STAG1: variants seen among roughly 807,000 people sequenced by gnomAD.
The protein encoded by STAG1 is cohesin subunit SA-1.
A neutral mutation model predicts 170.9 loss-of-function variants in STAG1; 26 were observed. That is an observed-to-expected ratio of 0.15 (90% CI 0.11 to 0.21). The LOEUF is 0.21. STAG1 is among the 10% of genes least tolerant of loss of function. The pLI, the probability that STAG1 is intolerant of heterozygous loss-of-function variation, is 1.00. For missense variants in STAG1, 964 were observed against 1,509.5 expected, an observed-to-expected ratio of 0.64 and a Z score of 5.99; for synonymous variants, 514 against 497.7, an observed-to-expected ratio of 1.03 and a Z score of -0.44.
intron 1 of STAG1, among the ~76,000 whole-genome samples, chr3:136,691,820 T>C (rs1470535397): frequency 1.3e-5 from 2 of 152,168 alleles, no homozygotes; most frequent in Admixed American, 1.3e-4. Context: ...AGGAACTAAG[T>C]AGATCATCTA....
intron 4 of STAG1, among the ~76,000 whole-genome samples, chr3:136,576,851 C>T (rs1937480558): frequency 6.6e-6 from 1 of 152,152 alleles, no homozygotes; most frequent in Non-Finnish European, 1.5e-5. Context: ...CAGACAAGGG[C>T]ACAGAGAATT....
chr3:136,477,157 T>C, intron 10 of STAG1, 132 bp downstream of exon 10: 3 of 943,510 alleles, frequency 3.2e-6, no homozygotes, highest in Admixed American at 3.1e-5. Flanking sequence ...TAAATAGTTA[T>C]TCAGCTGCAT....
intron 24 of STAG1, among the ~76,000 whole-genome samples, chr3:136,368,460 A>G (rs933272685): frequency 3.3e-5 from 5 of 152,204 alleles, no homozygotes; most frequent in Non-Finnish European, 5.9e-5. Context: ...GTAATACATA[A>G]TGACCACTTA....
intron 1 of STAG1, among the ~76,000 whole-genome samples, chr3:136,646,820 C>T (rs779304570): frequency 1.8e-4 from 28 of 151,954 alleles, no homozygotes; most frequent in Non-Finnish European, 3.8e-4. Flanking sequence ...TCAGGAGAAT[C>T]GCTTGAACTG....
At chr3:136,361,615 A>T (rs1351649464) in intron 26 of STAG1, among the ~76,000 whole-genome samples, 4 of 152,132 alleles carry the variant, frequency 2.6e-5, no homozygotes, top group East Asian at 1.9e-4. Context: ...CATTAATAAT[A>T]ATTATTATTA....
chr3:136,606,978 C>T (rs1938981431), intron 3 of STAG1, among the ~76,000 whole-genome samples: 1 of 151,990 alleles, frequency 6.6e-6, no homozygotes, highest in African/African-American at 2.4e-5. Flanking sequence ...TCTTGATCTC[C>T]TGACCTCGTG....
intron 9 of STAG1, among the ~76,000 whole-genome samples, chr3:136,492,606 G>C (rs536968758): frequency 6.6e-6 from 1 of 152,192 alleles, no homozygotes; most frequent in African/African-American, 2.4e-5. Context: ...ATCTCTGAGA[G>C]GGGATAACAC....
chr3:136,578,832 A>G (rs1429246390), intron 4 of STAG1, among the ~76,000 whole-genome samples: 5 of 152,162 alleles, frequency 3.3e-5, no homozygotes, highest in African/African-American at 1.2e-4. Context: ...CCACTTCCAG[A>G]ATGTGTAATT....
chr3:136,734,744 A>G (rs1470942065), intron 1 of STAG1, among the ~76,000 whole-genome samples: 1 of 152,218 alleles, frequency 6.6e-6, no homozygotes, highest in African/African-American at 2.4e-5. Context: ...TCAACAGAAT[A>G]GAAGCTTTTT....
At chr3:136,485,730 T>C (rs2089996557) in intron 9 of STAG1, among the ~76,000 whole-genome samples, 6 of 152,174 alleles carry the variant, frequency 3.9e-5, no homozygotes, top group Admixed American at 3.9e-4. Context: ...TCCATCTCTG[T>C]TTAACGTCAT....
At chr3:136,488,996 G>T (rs2090071203) in intron 9 of STAG1, among the ~76,000 whole-genome samples, 1 of 152,166 alleles carries the variant, frequency 6.6e-6, no homozygotes, top group Non-Finnish European at 1.5e-5. Flanking sequence ...GCAAAAAATA[G>T]TAAGACAAGA....
At chr3:136,747,446 T>C (rs988140299) in intron 1 of STAG1, among the ~76,000 whole-genome samples, 1 of 152,144 alleles carries the variant, frequency 6.6e-6, no homozygotes. Flanking sequence ...CCCAGCACCT[T>C]GGGAGGCCAA....
chr3:136,659,772 CT>C (rs1941514795), intron 1 of STAG1, among the ~76,000 whole-genome samples: 1 of 152,114 alleles, frequency 6.6e-6, no homozygotes, highest in Admixed American at 6.5e-5. Context: ...ATAATCAGGA[CT>C]AAAATTTAGC....
At chr3:136,488,191 C>T (rs1003173699) in intron 9 of STAG1, among the ~76,000 whole-genome samples, 1 of 152,220 alleles carries the variant, frequency 6.6e-6, no homozygotes, top group African/African-American at 2.4e-5. Flanking sequence ...GGCATGATCT[C>T]GGCTCACTGC....
intron 25 of STAG1, among the ~76,000 whole-genome samples, chr3:136,366,146 A>T (rs956152128): frequency 5.9e-5 from 9 of 152,070 alleles, no homozygotes; most frequent in African/African-American, 2.2e-4. Flanking sequence ...AGCCTAAAAT[A>T]AAATCCCAGT....
chr3:136,363,432 T>C lies in STAG1; in HGVS notation c.2721A>G (p.Thr907=). ...TATCAATCTGCCTGGTTTTACTCAG[T>C]GTTTCCTTAATAATATCACCATAGT... ...YNDYGDIIKE[T]LSKTRQIDKI... Residue 907 remains threonine, a synonymous_variant, in exon 26 of 34, where the codon ACA becomes ACG. Transcript: ENST00000383202. The C allele has an allele frequency of 6.2e-7, 1 of 1,600,452 alleles. No homozygotes were observed. Among genetic ancestry groups the C allele is most frequent in the Admixed American group, 1.7e-5 (1 of 59,262 alleles).
chr3:136,662,271 G>A (rs1029792076), intron 1 of STAG1, among the ~76,000 whole-genome samples: 1 of 151,314 alleles, frequency 6.6e-6, no homozygotes, highest in African/African-American at 2.4e-5. Context: ...CCTGCCTCAG[G>A]CTCCCAAGTA....
intron 6 of STAG1, among the ~76,000 whole-genome samples, chr3:136,525,386 G>T (rs1381972689): frequency 6.6e-6 from 1 of 152,150 alleles, no homozygotes; most frequent in African/African-American, 2.4e-5. Flanking sequence ...TTTGCGTAGA[G>T]GTGTTTATAG....
At position 136,356,924 on chromosome 3, in the gene STAG1, T is replaced by A. The variant is rs189006415; in HGVS notation, c.3065+796A>T. On this transcript the variant is annotated intron_variant, in intron 28 of 33. Coordinates refer to ENST00000383202, the MANE Select transcript of STAG1 (RefSeq NM_005862.3). ...TGCACCACCATGCCTAGCTAATTTT[T>A]TTTTATTTTTTTTAAATTTTTTATT... is the stretch of plus-strand genomic sequence containing the variant. Among the ~76,000 whole-genome samples, 14 of 151,548 alleles carry A rather than the reference T, an allele frequency of 9.2e-5. No homozygotes were observed. The East Asian group carries it at 1.9e-3, about 21-fold the overall frequency.
Sources: allele counts gnomAD v4.1 joint callset (sites outside exome capture counted in the v4.1 genomes callset), GRCh38; gene constraint gnomAD v4.1.1; transcripts MANE v1.5; gene names NCBI Gene and HGNC (gene_info 2026-07-23, HGNC 2026-07-21).